The following HERC1 variants were observed in gnomAD, a reference collection of about 807,000 sequenced individuals.
The protein encoded by HERC1 is probable E3 ubiquitin-protein ligase HERC1.
HERC1 carries 160 observed loss-of-function variants against 554.3 expected under a neutral mutation model. That is an observed-to-expected ratio of 0.29 (90% CI 0.25 to 0.33). HERC1 has a LOEUF of 0.33. Ranked by LOEUF, HERC1 falls within the 10% of genes least tolerant of loss-of-function variation. The pLI is 1.00. For synonymous variants in HERC1, 2,175 were observed against 2,131.7 expected, an observed-to-expected ratio of 1.02 and a Z score of -0.56; for missense variants, 4,919 against 5,918.5, an observed-to-expected ratio of 0.83 and a Z score of 5.54.
intron 1 of HERC1, among the ~76,000 whole-genome samples, chr15:63,808,003 T>C (rs1371757048): frequency 6.6e-6 from 1 of 152,076 alleles, no homozygotes; most frequent in African/African-American, 2.4e-5. Flanking sequence ...GTTGTTACCC[T>C]ATATGGTCTC....
chr15:63,737,465 ATATAT>A lies in HERC1; in HGVS notation c.2521-2621_2521-2617del, dbSNP rs1567069668. On this transcript the variant is annotated intron_variant, in intron 12 of 77. Coordinates refer to ENST00000443617, the MANE Select transcript of HERC1 (RefSeq NM_003922.4). ...ATATCTTTTTTCCAGATATATATAT[ATATAT>A]CTTTTTTCCAGATATATATATATAC... Among the ~76,000 whole-genome samples, 170 of 122,116 alleles carry A rather than the reference ATATAT, an allele frequency of 1.4e-3. 17 individuals carry two copies. The highest frequency in any genetic ancestry group is 5.0e-3 in the African/African-American group (162 of 32,622). The allele number at this position is 122,116 out of a possible 152,430, so 80.1% of individuals were successfully genotyped here. A position where few individuals can be genotyped will look rare whatever the true frequency, so the allele number is the denominator to read the frequency against.
intron 74 of HERC1, among the ~76,000 whole-genome samples, chr15:63,620,356 A>T (rs1184858776): frequency 6.6e-6 from 1 of 151,962 alleles, no homozygotes; most frequent in East Asian, 1.9e-4. Context: ...GTGGTCTGAG[A>T]GACAGTTTGT....
chr15:63,641,334 C>T (rs2069050435), intron 60 of HERC1, 136 bp downstream of exon 60: 2 of 637,008 alleles, frequency 3.1e-6, no homozygotes, highest in Admixed American at 3.6e-5. Flanking sequence ...CATGACTTAC[C>T]TTCATTTGAT....
At chr15:63,719,245 G>C (rs1482028457) in intron 19 of HERC1, among the ~76,000 whole-genome samples, 2 of 152,228 alleles carry the variant, frequency 1.3e-5, no homozygotes, top group African/African-American at 2.4e-5. Flanking sequence ...TTTTATATAA[G>C]GTGGTCTGGG....
intron 54 of HERC1, among the ~76,000 whole-genome samples, chr15:63,648,458 T>G (rs935904937): frequency 6.6e-6 from 1 of 152,200 alleles, no homozygotes; most frequent in Non-Finnish European, 1.5e-5. Context: ...TGTTGAAAAA[T>G]AGAGACAAAA....
At chr15:63,617,755 G>A (rs550663944) in intron 74 of HERC1, among the ~76,000 whole-genome samples, 18 of 152,224 alleles carry the variant, frequency 1.2e-4, no homozygotes, top group African/African-American at 4.3e-4. Context: ...TTCTCTGATG[G>A]CCAGTGATGA....
chr15:63,810,910 T>C (rs2077285614), intron 1 of HERC1, among the ~76,000 whole-genome samples: 1 of 152,214 alleles, frequency 6.6e-6, no homozygotes, highest in Non-Finnish European at 1.5e-5. Context: ...ATAGTGTTAA[T>C]GCAGCAAATG....
chr15:63,758,337 T>C lies in HERC1; in HGVS notation c.1059A>G (p.Thr353=), dbSNP rs759695762. The C allele has an allele frequency of 6.9e-6, 11 of 1,597,074 alleles. No homozygotes were observed. The highest frequency in any genetic ancestry group is 6.7e-5 in the Admixed American group (4 of 59,746). ...VCRMASDYSR[T]CASPDSIQTG... is the part of the protein sequence containing the mutation. ...TCTGAATGCTATCTGGGCTAGCACATGTTCTCGAATAATCAGAAGCCATTC... is the reference window on the plus strand; with the variant it reads ...TCTGAATGCTATCTGGGCTAGCACACGTTCTCGAATAATCAGAAGCCATTC... The change falls in exon 4 of 78, where the codon ACA becomes ACG. Residue 353 remains threonine, a synonymous_variant. Coordinates refer to ENST00000443617, the MANE Select transcript of HERC1 (RefSeq NM_003922.4). This position sits in a 1 kb window ranked among gnomAD's most constrained non-coding sequence, Gnocchi z 4.0.
chr15:63,731,690 A>G (rs1341485197), intron 14 of HERC1, among the ~76,000 whole-genome samples: 2 of 152,214 alleles, frequency 1.3e-5, no homozygotes, highest in Non-Finnish European at 2.9e-5. Flanking sequence ...GTATTGGAAG[A>G]AAAAGAGTAC....
rs1398191863 is a variant in HERC1 at position 63,713,656 on chromosome 15, T to C, written c.4160A>G (p.Gln1387Arg). ...HEVMTAGKIF[Q>R]CFLSAREVAR... ...TACTTCACGGGCTGAGAGGAAACAC[T>C]GAAAGATTTCTGTAACATGCAACAC... The change falls in exon 23 of 78, where the codon CAG becomes CGG. Residue 1387 changes from glutamine (Q) to arginine (R), a missense_variant. By Grantham distance (43) the Gln-to-Arg change is conservative. This residue lies in a region of HERC1 where 1,121 missense variants were observed against 1,244.0 expected (regional missense o/e 0.90). Coordinates refer to ENST00000443617, the MANE Select transcript of HERC1 (RefSeq NM_003922.4). 6.2e-7 allele frequency: 1 copy of C among 1,608,354 alleles called. No individual in the cohort carries two copies. Among genetic ancestry groups the C allele is most frequent in the Non-Finnish European group, 8.5e-7 (1 of 1,176,780 alleles).
chr15:63,829,561 G>GTGTGTGTGTGTATATATATATATA (rs1220043639), intron 1 of HERC1, among the ~76,000 whole-genome samples: 1 of 81,760 alleles, frequency 1.2e-5, no homozygotes, highest in African/African-American at 5.2e-5. Context: ...GTGTGTGTGT[G>GTGTGTGTGTGTATATATATATATA]TATATATATA....
At position 63,720,103 on chromosome 15, in the gene HERC1, C is replaced by CTTTTTTTTTTTTTTTTTTATTTTTTTTTT. The variant is rs573648232; in HGVS notation, c.3743-1207_3743-1206insAAAAAAAAAATAAAAAAAAAAAAAAAAAA. 2.8e-5 allele frequency among the ~76,000 whole-genome samples: 2 copies of CTTTTTTTTTTTTTTTTTTATTTTTTTTTT among 71,608 alleles called. 1 individual carries two copies. Among genetic ancestry groups the CTTTTTTTTTTTTTTTTTTATTTTTTTTTT allele is most frequent in the Non-Finnish European group, 5.3e-5 (2 of 37,468 alleles). 47.0% of individuals were successfully genotyped at this position (71,608 alleles called of 152,430 possible). A position where few individuals can be genotyped will look rare whatever the true frequency, so the allele number is the denominator to read the frequency against. ...GGACTAGTCAGGTGCTTTTTCTTCC[C>CTTTTTTTTTTTTTTTTTTATTTTTTTTTT]TTTTTTTTTTTTTTTAAGAGACAGG... is the stretch of plus-strand genomic sequence containing the variant. On this transcript the variant is annotated intron_variant, in intron 19 of 77. Transcript: ENST00000443617.
intron 53 of HERC1, among the ~76,000 whole-genome samples, chr15:63,650,841 G>A (rs541735548): frequency 6.6e-6 from 1 of 152,076 alleles, no homozygotes; most frequent in South Asian, 2.1e-4. Context: ...TAATAAGCTC[G>A]ATATTACAAT....
At chr15:63,813,008 AG>A (rs2077377206) in intron 1 of HERC1, among the ~76,000 whole-genome samples, 1 of 152,224 alleles carries the variant, frequency 6.6e-6, no homozygotes, top group African/African-American at 2.4e-5. Flanking sequence ...GTAAGGAACT[AG>A]AATAGCTAAA....
At chr15:63,682,752 G>C (rs751295958) in intron 34 of HERC1, among the ~76,000 whole-genome samples, 4 of 152,132 alleles carry the variant, frequency 2.6e-5, no homozygotes, top group Non-Finnish European at 4.4e-5. Context: ...AGAGGTTTGA[G>C]TAAACTTAAG....
intron 1 of HERC1, among the ~76,000 whole-genome samples, chr15:63,829,509 CACAT>C (rs1487421647): frequency 2.2e-4 from 25 of 113,076 alleles, no homozygotes; most frequent in Middle Eastern, 4.8e-3. Context: ...TACACACACA[CACAT>C]ATATAAATAA....
rs771918202 is a variant in HERC1, at chr15:63,616,668, G to A, written c.13703C>T (p.Pro4568Leu). ...GYNRDRFLFN[P>L]SACLDEHLMQ... The stretch of plus-strand genomic sequence containing the variant: ...TAAGTGTTCATCGAGGCAGGCAGAA[G>A]GGTTAAAAAGGAACCTGTAAAATTA... The change falls in exon 75 of 78, where the codon CCT becomes CTT. Residue 4568 changes from proline (P) to leucine (L), a missense_variant. By Grantham distance (98) the Pro-to-Leu change is moderately conservative. Coordinates refer to ENST00000443617, the MANE Select transcript of HERC1 (RefSeq NM_003922.4). 1.1e-5 allele frequency: 17 copies of A among 1,613,096 alleles called. No individual in the cohort carries two copies. Among genetic ancestry groups the A allele is most frequent in the Non-Finnish European group, 1.4e-5 (16 of 1,179,552 alleles).
In HERC1 at chr15:63,608,870, A is replaced by C. The variant is rs867797432; in HGVS notation, c.*211T>G. The stretch of plus-strand genomic sequence containing the variant: ...ATATGGAGGGAAAAACCTGACTGAG[A>C]GCACTTCGTTTTTGTTGTTTTTGTA... On this transcript the variant is annotated 3_prime_UTR_variant, in exon 78 of 78. Coordinates refer to ENST00000443617, the MANE Select transcript of HERC1 (RefSeq NM_003922.4). 3 of 438,642 alleles carry C rather than the reference A, an allele frequency of 6.8e-6. No individual in the cohort carries two copies. Among genetic ancestry groups the C allele is most frequent in the Non-Finnish European group, 1.2e-5 (3 of 254,556 alleles). 27.2% of individuals were successfully genotyped at this position (438,642 alleles called of 1,614,324 possible). A position where few individuals can be genotyped will look rare whatever the true frequency, so the allele number is the denominator to read the frequency against.
intron 1 of HERC1, among the ~76,000 whole-genome samples, chr15:63,805,417 T>G (rs1339264533): frequency 6.6e-6 from 1 of 152,142 alleles, no homozygotes; most frequent in African/African-American, 2.4e-5. Flanking sequence ...TCTAGCTGCA[T>G]GAAATTCTAG....
Sources: allele counts gnomAD v4.1 joint callset (sites outside exome capture counted in the v4.1 genomes callset), GRCh38; gene constraint gnomAD v4.1.1; regional missense constraint gnomAD v4.1.1; non-coding constraint Gnocchi (gnomAD v3.1); transcripts MANE v1.5; gene names NCBI Gene and HGNC (gene_info 2026-07-23, HGNC 2026-07-21).